Variants in SPATA13 observed in about 807,000 individuals in gnomAD.
SPATA13 encodes the protein spermatogenesis associated 13.
Under a neutral mutation model 104.0 loss-of-function variants are expected in SPATA13, and 50 were observed. That is an observed-to-expected ratio of 0.48 (90% confidence interval 0.38 to 0.61). The LOEUF is 0.61. Among genes scored for constraint, SPATA13 ranks in the 20% least tolerant of loss-of-function variants. SPATA13 has a pLI of 0.00. For missense variants in SPATA13, 1,524 were observed against 1,690.6 expected, an observed-to-expected ratio of 0.90 and a Z score of 1.73; for synonymous variants, 606 against 667.5, an observed-to-expected ratio of 0.91 and a Z score of 1.42.
At chr13:24,248,894 T>TA (rs1397058505) in intron 2 of SPATA13, among the ~76,000 whole-genome samples, 1 of 151,924 alleles carries the variant, frequency 6.6e-6, no homozygotes, top group Non-Finnish European at 1.5e-5. Flanking sequence ...TTTTTTTTTT[T>TA]TTTGAGAAAG....
At chr13:24,086,674 C>T (rs949706802) in intron 3 of SPATA13, among the ~76,000 whole-genome samples, 8 of 152,062 alleles carry the variant, frequency 5.3e-5, no homozygotes, top group African/African-American at 1.9e-4. Context: ...AGAGTGGCTG[C>T]ACAAGGAAAG....
chr13:24,041,482 A>G (rs1449399492), intron 3 of SPATA13, among the ~76,000 whole-genome samples: 1 of 152,266 alleles, frequency 6.6e-6, no homozygotes. Flanking sequence ...AGATATCGTC[A>G]TATAACAGAT....
intron 3 of SPATA13, among the ~76,000 whole-genome samples, chr13:24,040,021 G>T (rs1877855905): frequency 6.6e-6 from 1 of 152,160 alleles, no homozygotes; most frequent in Non-Finnish European, 1.5e-5. Context: ...GGCAATGTTT[G>T]GCCAATCACA....
chr13:24,080,837 T>C (rs1879489470), intron 3 of SPATA13, among the ~76,000 whole-genome samples: 1 of 152,226 alleles, frequency 6.6e-6, no homozygotes, highest in African/African-American at 2.4e-5. Flanking sequence ...ATTTTGTTTC[T>C]TGGAGTCTTA....
At chr13:23,999,431 CCA>C (rs1336383951) in intron 2 of SPATA13, among the ~76,000 whole-genome samples, 3 of 138,870 alleles carry the variant, frequency 2.2e-5, no homozygotes, top group African/African-American at 5.4e-5. Context: ...AATATTTAGA[CCA>C]ATTTGAGAAG....
chr13:24,008,663 G>A (rs1185922801), intron 2 of SPATA13, among the ~76,000 whole-genome samples: 1 of 152,182 alleles, frequency 6.6e-6, no homozygotes, highest in Non-Finnish European at 1.5e-5. Flanking sequence ...CACTGGAGGA[G>A]GCAGCAGGCC....
At chr13:24,010,457 GC>G (rs1485704163) in intron 2 of SPATA13, among the ~76,000 whole-genome samples, 17 of 130,500 alleles carry the variant, frequency 1.3e-4, no homozygotes, top group Non-Finnish European at 1.7e-4. Context: ...GAGGTATGTA[GC>G]TTTTTTTTTT....
At chr13:24,192,985 A>G (rs895705864) in intron 1 of SPATA13, among the ~76,000 whole-genome samples, 3 of 152,192 alleles carry the variant, frequency 2.0e-5, no homozygotes, top group Admixed American at 6.5e-5. Flanking sequence ...CCGGCACATT[A>G]TAAGTGCTCT....
chr13:24,078,943 T>A (rs767560171), intron 3 of SPATA13, among the ~76,000 whole-genome samples: 13 of 152,278 alleles, frequency 8.5e-5, no homozygotes, highest in South Asian at 4.1e-4. Context: ...TACCATTCAG[T>A]GGAAAAACAG....
rs947692770 is a variant in SPATA13, at chr13:23,985,915, A to T, written c.-147+1982A>T. Among the ~76,000 whole-genome samples the T allele has an allele frequency of 3.9e-5, 6 of 152,300 alleles. No individual in the cohort carries two copies. The East Asian group carries it at 1.2e-3, about 29-fold the overall frequency. On this transcript the variant is annotated intron_variant, in intron 2 of 14. Coordinates refer to the SPATA13 transcript ENST00000424834. ...ATGGGAGAAGAGACACACAGGGACG[A>T]GGAAGCCAGCCTGGGTACTAAGTAT... is the stretch of plus-strand genomic sequence containing the variant.
intron 4 of SPATA13, among the ~76,000 whole-genome samples, chr13:24,278,051 G>A (rs1251114778): frequency 1.3e-5 from 2 of 152,232 alleles, no homozygotes; most frequent in Non-Finnish European, 2.9e-5. Flanking sequence ...GTCCTTGACA[G>A]GCCCCACTGG....
At chr13:24,272,752 A>G (rs1874707224) in intron 4 of SPATA13, 1 of 152,232 alleles carries the variant, frequency 6.6e-6, no homozygotes. Context: ...CCAGCCCCGC[A>G]ACTTGGGGAA....
At chr13:24,126,667 C>A (rs1881230116) in intron 3 of SPATA13, among the ~76,000 whole-genome samples, 1 of 152,120 alleles carries the variant, frequency 6.6e-6, no homozygotes, top group Admixed American at 6.5e-5. Context: ...AGGGATCATC[C>A]CACCTTAGCC....
At chr13:24,211,566 T>C (rs7327740) in intron 1 of SPATA13, among the ~76,000 whole-genome samples, 34,837 of 151,912 alleles carry the variant, frequency 0.23, 4,352 homozygotes, top group South Asian at 0.3. Flanking sequence ...GTAAATATTG[T>C]GTATTTATTT....
chr13:24,006,317 A>G (rs1225221694), intron 2 of SPATA13, among the ~76,000 whole-genome samples: 1 of 152,228 alleles, frequency 6.6e-6, no homozygotes, highest in African/African-American at 2.4e-5. Context: ...AGGTAAACAC[A>G]CAGGGCCTTC....
intron 3 of SPATA13, among the ~76,000 whole-genome samples, chr13:24,037,923 T>C (rs1213067673): frequency 6.6e-6 from 1 of 152,094 alleles, no homozygotes; most frequent in Non-Finnish European, 1.5e-5. Flanking sequence ...ACTAGATTTT[T>C]TTTTTTGAAA....
At chr13:24,132,221 C>T (rs1035860634) in intron 3 of SPATA13, among the ~76,000 whole-genome samples, 1 of 152,318 alleles carries the variant, frequency 6.6e-6, no homozygotes, top group South Asian at 2.1e-4. Context: ...CTAGAACAAG[C>T]CTGGAAACTG....
intron 2 of SPATA13, among the ~76,000 whole-genome samples, chr13:24,010,705 C>A (rs1170535434): frequency 6.6e-6 from 1 of 152,058 alleles, no homozygotes; most frequent in East Asian, 2.0e-4. Context: ...CATGAATCTT[C>A]CTCCCCACTC....
chr13:24,019,484 T>G (rs1566074659), intron 3 of SPATA13, among the ~76,000 whole-genome samples: 1 of 152,232 alleles, frequency 6.6e-6, no homozygotes, highest in Admixed American at 6.5e-5. Flanking sequence ...CTTTTGTAAT[T>G]ATGTTTTGTT....
Sources: allele counts gnomAD v4.1 joint callset (sites outside exome capture counted in the v4.1 genomes callset), GRCh38; gene constraint gnomAD v4.1.1; transcripts MANE v1.5; gene names NCBI Gene and HGNC (gene_info 2026-07-23, HGNC 2026-07-21).